The following CCSER1 variants were observed in gnomAD, a reference collection of about 807,000 sequenced individuals.
CCSER1 encodes the protein coiled-coil serine rich protein 1.
In CCSER1, 41 loss-of-function variants were observed where a neutral mutation model predicts 82.0. That is an observed-to-expected ratio of 0.50 (90% CI 0.39 to 0.65). CCSER1 has a LOEUF of 0.65. CCSER1 is among the 30% of genes least tolerant of loss of function. CCSER1 has a pLI of 0.00. For missense variants in CCSER1, 1,119 were observed against 1,064.2 expected (o/e 1.05, Z -0.72); for synonymous variants, 414 against 383.9 (o/e 1.08, Z -0.92).
At chr4:90,598,589 G>T (rs1783653102) in intron 5 of CCSER1, among the ~76,000 whole-genome samples, 1 of 152,162 alleles carries the variant, frequency 6.6e-6, no homozygotes. Flanking sequence ...TTATATATTT[G>T]TTGGCCATTT....
At chr4:90,799,442 A>G (rs1561157017) in intron 7 of CCSER1, among the ~76,000 whole-genome samples, 1 of 152,134 alleles carries the variant, frequency 6.6e-6, no homozygotes, top group Non-Finnish European at 1.5e-5. Flanking sequence ...AAGCTACAGT[A>G]TGGGGAGAGA....
At chr4:91,136,937 C>G (rs969270505) in intron 10 of CCSER1, among the ~76,000 whole-genome samples, 57 of 151,678 alleles carry the variant, frequency 3.8e-4, no homozygotes, top group African/African-American at 1.3e-3. Context: ...GTAGCTTTCT[C>G]TAAAACTAAA....
In CCSER1 at chr4:91,157,499, A is replaced by G. The variant is rs1730932084; in HGVS notation, c.2217+71505A>G. On this transcript the variant is annotated intron_variant, in intron 10 of 10. Transcript: ENST00000509176. Reference sequence around the variant, plus strand: ...TCTTAGGATTTAAATGTGTTATTTGATATATAATGATACTTTCTTTTTGTA... The same window carrying G: ...TCTTAGGATTTAAATGTGTTATTTGGTATATAATGATACTTTCTTTTTGTA... 2.6e-5 allele frequency among the ~76,000 whole-genome samples: 4 copies of G among 151,974 alleles called. No homozygotes were observed. In the South Asian group the frequency reaches 8.3e-4, roughly 32 times the overall value.
At chr4:91,084,278 A>G (rs1337534744) in intron 9 of CCSER1, among the ~76,000 whole-genome samples, 1 of 152,160 alleles carries the variant, frequency 6.6e-6, no homozygotes, top group African/African-American at 2.4e-5. Flanking sequence ...TAATAATGAT[A>G]AAAATGAGAG....
At chr4:90,239,517 T>C (rs1746441840) in intron 1 of CCSER1, among the ~76,000 whole-genome samples, 1 of 152,210 alleles carries the variant, frequency 6.6e-6, no homozygotes, top group South Asian at 2.1e-4. Flanking sequence ...TATATATATA[T>C]TAGAGGCAGA....
intron 9 of CCSER1, among the ~76,000 whole-genome samples, chr4:91,064,198 A>G (rs1744177542): frequency 6.6e-6 from 1 of 152,262 alleles, no homozygotes; most frequent in Non-Finnish European, 1.5e-5. Flanking sequence ...TGGTTTCCCA[A>G]TGACTGGAAG....
chr4:90,763,893 C>G (rs929761102), intron 7 of CCSER1, among the ~76,000 whole-genome samples: 1 of 152,162 alleles, frequency 6.6e-6, no homozygotes, highest in Non-Finnish European at 1.5e-5. Flanking sequence ...ATCCATTTCT[C>G]AAATGTTTTC....
intron 5 of CCSER1, among the ~76,000 whole-genome samples, chr4:90,488,693 A>G (rs13142574): frequency 6.6e-6 from 1 of 152,162 alleles, no homozygotes; most frequent in South Asian, 2.1e-4. Context: ...AACTTAGGGT[A>G]TAATTGCAAT....
intron 5 of CCSER1, among the ~76,000 whole-genome samples, chr4:90,505,458 A>T (rs1770554296): frequency 6.6e-6 from 1 of 152,200 alleles, no homozygotes. Flanking sequence ...AGTGATGCTG[A>T]TTGATCTTAA....
intron 6 of CCSER1, among the ~76,000 whole-genome samples, chr4:90,701,416 G>A (rs879239667): frequency 2.6e-5 from 4 of 152,226 alleles, no homozygotes; most frequent in East Asian, 1.9e-4. Context: ...ATCAGGTAGC[G>A]TGATGCCTCC....
chr4:91,078,132 C>T (rs1276417554), intron 9 of CCSER1, among the ~76,000 whole-genome samples: 2 of 152,226 alleles, frequency 1.3e-5, no homozygotes, highest in African/African-American at 4.8e-5. Context: ...TGAGAACAGA[C>T]AGACTGCCTC....
intron 7 of CCSER1, among the ~76,000 whole-genome samples, chr4:90,753,286 C>T (rs1748991353): frequency 6.6e-6 from 1 of 152,102 alleles, no homozygotes; most frequent in Non-Finnish European, 1.5e-5. Flanking sequence ...AAGGAGAATG[C>T]ATATCCTGCC....
chr4:90,603,308 A>C (rs1579406625), intron 5 of CCSER1, among the ~76,000 whole-genome samples: 1 of 152,200 alleles, frequency 6.6e-6, no homozygotes, highest in Non-Finnish European at 1.5e-5. Flanking sequence ...GTGGCATAAA[A>C]GTGTTTAATT....
At chr4:91,376,949 T>G (rs928471070) in intron 10 of CCSER1, among the ~76,000 whole-genome samples, 14 of 147,942 alleles carry the variant, frequency 9.5e-5, no homozygotes, top group Non-Finnish European at 1.5e-4. Flanking sequence ...CCTTCCTGTG[T>G]CCAACTGTCC....
chr4:91,085,107 CTT>C (rs11378537), intron 9 of CCSER1, among the ~76,000 whole-genome samples: 2 of 145,510 alleles, frequency 1.4e-5, no homozygotes, highest in African/African-American at 2.5e-5. Context: ...CTACAGGACA[CTT>C]TTTTTTTTTT....
At chr4:91,041,741 C>T (rs939682607) in intron 9 of CCSER1, among the ~76,000 whole-genome samples, 4 of 152,170 alleles carry the variant, frequency 2.6e-5, no homozygotes, top group African/African-American at 7.2e-5. Flanking sequence ...AAAGTCAATT[C>T]CAGCCCTTTT....
intron 5 of CCSER1, among the ~76,000 whole-genome samples, chr4:90,609,138 A>T (rs1290214593): frequency 1.3e-5 from 2 of 152,046 alleles, no homozygotes; most frequent in Non-Finnish European, 1.5e-5. Flanking sequence ...GATTAATTTT[A>T]TTCATATTTT....
chr4:90,295,802 C>T (rs1731777878), intron 1 of CCSER1, among the ~76,000 whole-genome samples: 1 of 152,050 alleles, frequency 6.6e-6, no homozygotes, highest in Admixed American at 6.6e-5. Context: ...GTTTTGACCA[C>T]ATCCTGGCTT....
chr4:91,453,775 A>G (rs1755992832), intron 10 of CCSER1, among the ~76,000 whole-genome samples: 1 of 152,084 alleles, frequency 6.6e-6, no homozygotes, highest in Non-Finnish European at 1.5e-5. Context: ...TGGAAGAAAC[A>G]GAAGAAATTA....
Sources: gnomAD v4.1 joint callset for allele counts (sites outside exome capture counted in the v4.1 genomes callset) on GRCh38, gnomAD v4.1.1 for gene constraint, MANE v1.5 for transcripts, NCBI Gene and HGNC (gene_info 2026-07-23, HGNC 2026-07-21) for gene names.